TRPC7: variants seen among roughly 807,000 people sequenced by gnomAD.
The protein encoded by TRPC7 is transient receptor potential cation channel subfamily C member 7.
Under a neutral mutation model 90.1 loss-of-function variants are expected in TRPC7, and 42 were observed. That is an observed-to-expected ratio of 0.47 (90% CI 0.36 to 0.60). The LOEUF (loss-of-function observed/expected upper bound fraction) is 0.60. Ranked by LOEUF, TRPC7 falls within the 20% of genes least tolerant of loss-of-function variation. The pLI is 0.00. For missense variants in TRPC7, 955 were observed against 1,112.3 expected (o/e 0.86, Z 2.01); for synonymous variants, 451 against 436.3 (o/e 1.03, Z -0.42).
In TRPC7 at chr5:136,251,832, A is replaced by T; in HGVS notation, c.1396T>A (p.Tyr466Asn). 6.2e-7 allele frequency: 1 copy of T among 1,613,858 alleles called. No homozygotes were observed. Among genetic ancestry groups the T allele is most frequent in the Non-Finnish European group, 8.5e-7 (1 of 1,179,846 alleles). Residue 466 changes from tyrosine to asparagine, a missense_variant, in exon 6 of 12, where the codon TAC (tyrosine) becomes AAC (asparagine). Around this residue, in one of 4 missense-constraint regions of TRPC7, gnomAD observed 484 missense variants for 509.6 expected, o/e 0.95. Transcript: ENST00000513104. ...KEIWEEGPRE[Y>N]VLHLWNLLDF... is the part of the protein sequence containing the mutation. ...AGCAGGTTCCACAAGTGCAGCACGTACTCCCGTGGCCCCTCCTCCCAGATT... is the reference window on the plus strand; with the variant it reads ...AGCAGGTTCCACAAGTGCAGCACGTTCTCCCGTGGCCCCTCCTCCCAGATT...
At chr5:136,340,561 A>G (rs1460714500) in intron 2 of TRPC7, among the ~76,000 whole-genome samples, 2 of 152,162 alleles carry the variant, frequency 1.3e-5, no homozygotes, top group African/African-American at 2.4e-5. Flanking sequence ...TACCATAAAT[A>G]TATACACTTA....
chr5:136,355,584 G>T (rs1639372365), intron 2 of TRPC7, among the ~76,000 whole-genome samples: 1 of 149,174 alleles, frequency 6.7e-6, no homozygotes, highest in Non-Finnish European at 1.5e-5. Context: ...AGATCACGAG[G>T]TCAGGAGATC....
intron 2 of TRPC7, among the ~76,000 whole-genome samples, chr5:136,324,180 T>G (rs150998607): frequency 1.5e-3 from 235 of 152,314 alleles, no homozygotes; most frequent in African/African-American, 5.3e-3. Context: ...ACTCACTTAC[T>G]AGTGCCTTTA....
intron 3 of TRPC7, 109 bp from the exon 4 acceptor site, chr5:136,274,946 TG>T (rs530021065): frequency 7.0e-6 from 9 of 1,290,214 alleles, no homozygotes; most frequent in East Asian, 2.6e-5. Flanking sequence ...ATGCTCCACC[TG>T]GGGGGTGGTT....
chr5:136,232,418 A>G (rs1755848012), intron 7 of TRPC7, among the ~76,000 whole-genome samples: 1 of 152,192 alleles, frequency 6.6e-6, no homozygotes, highest in South Asian at 2.1e-4. Context: ...CTCCTGTTAC[A>G]GAGCTGAGGC....
chr5:136,307,005 TCA>T (rs1293076668), intron 3 of TRPC7, among the ~76,000 whole-genome samples: 1 of 152,226 alleles, frequency 6.6e-6, no homozygotes, highest in Non-Finnish European at 1.5e-5. Context: ...GGTGGTCTCT[TCA>T]CACGGACATG....
chr5:136,287,686 T>TA (rs1269443813), intron 3 of TRPC7, among the ~76,000 whole-genome samples: 2 of 40,798 alleles, frequency 4.9e-5, no homozygotes, highest in African/African-American at 8.2e-5. Context: ...GAGTGGATGC[T>TA]CAAAAAAAAA....
intron 7 of TRPC7, among the ~76,000 whole-genome samples, chr5:136,233,462 C>G (rs1226641581): frequency 6.6e-6 from 1 of 152,166 alleles, no homozygotes; most frequent in East Asian, 1.9e-4. Flanking sequence ...TTTCAGTTAT[C>G]ACACTCGTGG....
chr5:136,257,077 A>G (rs1756708841), intron 5 of TRPC7, among the ~76,000 whole-genome samples: 1 of 152,202 alleles, frequency 6.6e-6, no homozygotes, highest in South Asian at 2.1e-4. Context: ...TGATGAGCTG[A>G]TCAGTTTTAC....
intron 3 of TRPC7, among the ~76,000 whole-genome samples, chr5:136,293,242 C>T (rs1432565014): frequency 2.6e-5 from 4 of 152,174 alleles, no homozygotes; most frequent in Admixed American, 2.6e-4. Context: ...GACAGGGATG[C>T]CCTCTCTCAC....
At chr5:136,347,873 G>A (rs577964889) in intron 2 of TRPC7, among the ~76,000 whole-genome samples, 41 of 152,320 alleles carry the variant, frequency 2.7e-4, no homozygotes, top group African/African-American at 8.4e-4. Flanking sequence ...CCCAGAGATA[G>A]GAGAAGCAGG....
At chr5:136,338,969 C>T (rs948809729) in intron 2 of TRPC7, among the ~76,000 whole-genome samples, 4 of 152,078 alleles carry the variant, frequency 2.6e-5, no homozygotes, top group African/African-American at 9.7e-5. Context: ...TCTGTTGTGG[C>T]TGAAAAATAC....
intron 3 of TRPC7, among the ~76,000 whole-genome samples, chr5:136,302,791 G>T (rs1758445291): frequency 6.6e-6 from 1 of 152,132 alleles, no homozygotes; most frequent in African/African-American, 2.4e-5. Flanking sequence ...CAAATGGTCT[G>T]AGGTGCCTGA....
chr5:136,365,467 C>T lies in TRPC7; in HGVS notation c.-213G>A. On this transcript the variant is annotated 5_prime_UTR_variant, in exon 1 of 12. Transcript: ENST00000513104. ...AGTGGTAAAAACTCGCCTTCCGAGGCAGAACCGTGTTACCGTCCTTTTCCT... is the reference window on the plus strand; with the variant it reads ...AGTGGTAAAAACTCGCCTTCCGAGGTAGAACCGTGTTACCGTCCTTTTCCT... 1.7e-6 allele frequency: 1 copy of T among 587,936 alleles called. No individual in the cohort carries two copies. The highest frequency in any genetic ancestry group is 2.2e-5 in the South Asian group (1 of 45,496). The allele number at this position is 587,936 out of a possible 1,614,324, so 36.4% of individuals were successfully genotyped here.
At chr5:136,332,084 G>A (rs999068473) in intron 2 of TRPC7, among the ~76,000 whole-genome samples, 3 of 152,130 alleles carry the variant, frequency 2.0e-5, no homozygotes, top group Non-Finnish European at 4.4e-5. Context: ...TGTGAACCAG[G>A]AACTCCCTGA....
rs1393048936 is a variant in TRPC7, at chr5:136,365,519, A to G, written c.-265T>C. On this transcript the variant is annotated 5_prime_UTR_variant, in exon 1 of 12. An upstream start codon of the reference 5' UTR is lost. Transcript: ENST00000513104. ...ATCGGGGGGAAATTTCCCAGAGAACATGACGGAGAAGCATCTGTGTGAGAG... is the reference window on the plus strand; with the variant it reads ...ATCGGGGGGAAATTTCCCAGAGAACGTGACGGAGAAGCATCTGTGTGAGAG... 7.1e-6 allele frequency: 4 copies of G among 562,678 alleles called. No homozygotes were observed. The highest frequency in any genetic ancestry group is 1.3e-5 in the Non-Finnish European group (4 of 316,122). 34.9% of individuals were successfully genotyped at this position (562,678 alleles called of 1,614,324 possible). A position where few individuals can be genotyped will look rare whatever the true frequency, so the allele number is the denominator to read the frequency against.
At chr5:136,254,284 T>A (rs1327702793) in intron 5 of TRPC7, among the ~76,000 whole-genome samples, 1 of 152,240 alleles carries the variant, frequency 6.6e-6, no homozygotes, top group African/African-American at 2.4e-5. Flanking sequence ...TGAAAGAAGA[T>A]GCCATTTAGA....
chr5:136,248,782 A>G (rs1379660016), intron 6 of TRPC7, among the ~76,000 whole-genome samples: 2 of 152,230 alleles, frequency 1.3e-5, no homozygotes, highest in Non-Finnish European at 2.9e-5. Context: ...TTGCAGTTCT[A>G]ATGGTACAAG....
At chr5:136,349,109 A>G (rs1287140870) in intron 2 of TRPC7, among the ~76,000 whole-genome samples, 2 of 140,200 alleles carry the variant, frequency 1.4e-5, no homozygotes, top group East Asian at 4.1e-4. Context: ...TGTATTTGTC[A>G]GGATCTCTGC....
Sources: allele counts gnomAD v4.1 joint callset (sites outside exome capture counted in the v4.1 genomes callset), GRCh38; gene constraint gnomAD v4.1.1; regional missense constraint gnomAD v4.1.1; transcripts MANE v1.5; gene names NCBI Gene and HGNC (gene_info 2026-07-23, HGNC 2026-07-21).